Variants in GCH1 observed in about 807,000 individuals in gnomAD.
The protein encoded by GCH1 is GTP cyclohydrolase I.
A neutral mutation model predicts 25.9 loss-of-function variants in GCH1; 5 were observed. The ratio of observed to expected loss-of-function variants is 0.19; its 90% CI spans 0.10 to 0.41. The LOEUF is 0.41. Ranked by LOEUF, GCH1 falls within the 10% of genes least tolerant of loss-of-function variation. The pLI, the probability that GCH1 is intolerant of heterozygous loss-of-function variation, is 1.00. For missense variants in GCH1, 261 were observed against 336.5 expected (o/e 0.78, Z 1.75); for synonymous variants, 159 against 129.6 (o/e 1.23, Z -1.54).
At chr14:54,870,758 A>G in intron 1 of GCH1, among the ~76,000 whole-genome samples, 1 of 152,196 alleles carries the variant, frequency 6.6e-6, no homozygotes, top group Non-Finnish European at 1.5e-5. Flanking sequence ...TTGCTAGCAC[A>G]GCAGTCTGAG....
intron 2 of GCH1, among the ~76,000 whole-genome samples, chr14:54,861,721 C>CAA (rs67311353): frequency 4.5e-5 from 6 of 133,414 alleles, no homozygotes; most frequent in Non-Finnish European, 1.0e-4. Context: ...GAAACTGTCT[C>CAA]AAAAAAAAAA....
rs2040590088 is a variant in GCH1 at position 54,902,753 on chromosome 14, C to T, written c.-90G>A. On this transcript the variant is annotated 5_prime_UTR_variant, in exon 1 of 6. Transcript: ENST00000491895. Reference sequence around the variant, plus strand: ...TCCGCCGGTGGCCGCGGACAATGGGCTGTGGCCGGAGTCACCTGAGGAAGG... The same window carrying T: ...TCCGCCGGTGGCCGCGGACAATGGGTTGTGGCCGGAGTCACCTGAGGAAGG... The T allele has an allele frequency of 1.5e-6, 2 of 1,365,970 alleles. No homozygotes were observed. The highest frequency in any genetic ancestry group is 1.9e-6 in the Non-Finnish European group (2 of 1,064,000). 84.6% of individuals were successfully genotyped at this position (1,365,970 alleles called of 1,614,324 possible). A position where few individuals can be genotyped will look rare whatever the true frequency, so the allele number is the denominator to read the frequency against.
intron 1 of GCH1, among the ~76,000 whole-genome samples, chr14:54,873,966 A>T (rs1171066713): frequency 6.6e-6 from 1 of 152,206 alleles, no homozygotes; most frequent in Non-Finnish European, 1.5e-5. Context: ...TCAATAGAAA[A>T]AGAGGGAATC....
intron 1 of GCH1, among the ~76,000 whole-genome samples, chr14:54,868,822 G>A (rs955704042): frequency 1.3e-5 from 2 of 151,902 alleles, no homozygotes; most frequent in African/African-American, 2.4e-5. Flanking sequence ...GGATGGTCTC[G>A]ATCTCCTGAC....
chr14:54,872,411 C>T (rs1440045472), intron 1 of GCH1, among the ~76,000 whole-genome samples: 1 of 152,170 alleles, frequency 6.6e-6, no homozygotes, highest in Non-Finnish European at 1.5e-5. Context: ...TTGTAAAGAC[C>T]ATTGAGGCTA....
At chr14:54,856,309 C>T (rs1312634061) in intron 3 of GCH1, among the ~76,000 whole-genome samples, 2 of 152,222 alleles carry the variant, frequency 1.3e-5, no homozygotes, top group African/African-American at 2.4e-5. Flanking sequence ...TTGCCCTGTG[C>T]ACTCTCCTTG....
At chr14:54,858,622 A>C (rs749491157) in intron 3 of GCH1, among the ~76,000 whole-genome samples, 1 of 152,006 alleles carries the variant, frequency 6.6e-6, no homozygotes, top group Non-Finnish European at 1.5e-5. Context: ...TGGTCACTAT[A>C]ACCTCAAGTT....
intron 3 of GCH1, among the ~76,000 whole-genome samples, chr14:54,847,682 A>C (rs967237272): frequency 6.6e-6 from 1 of 151,762 alleles, no homozygotes; most frequent in Non-Finnish European, 1.5e-5. Flanking sequence ...ATATATATAT[A>C]TCTCCTATTA....
chr14:54,843,484 C>A lies in GCH1; in HGVS notation c.*533G>T, dbSNP rs560464776. 5.1e-5 allele frequency: 65 copies of A among 1,262,220 alleles called. No individual in the cohort carries two copies. In the African/African-American group the frequency reaches 9.3e-4, roughly 18 times the overall value. The allele number at this position is 1,262,220 out of a possible 1,614,324, so 78.2% of individuals were successfully genotyped here. A position where few individuals can be genotyped will look rare whatever the true frequency, so the allele number is the denominator to read the frequency against. ...CACCTTCCCTTGGTGACTAACATTA[C>A]GACTGCTAAAAATATATTTTTAAAT... On this transcript the variant is annotated 3_prime_UTR_variant, in exon 6 of 6. Transcript: ENST00000491895.
chr14:54,889,545 G>A (rs2040398076), intron 1 of GCH1, among the ~76,000 whole-genome samples: 1 of 152,064 alleles, frequency 6.6e-6, no homozygotes, highest in South Asian at 2.1e-4. Context: ...GGACCAACTG[G>A]ACCTCGAAAA....
chr14:54,844,119 A>C lies in GCH1; in HGVS notation c.651T>G (p.Gly217=), dbSNP rs1443039760. ...CAGTTTTGCTGTTCATTTTCTGTAC[A>C]CCTCGCATTACCATACACATGTGTC... The part of the protein sequence containing the change: ...EATHMCMVMR[G]VQKMNSKTVT... The change falls in exon 6 of 6, where the codon GGT becomes GGG. Residue 217 remains glycine (G), a synonymous_variant. Coordinates refer to ENST00000491895, the MANE Select transcript of GCH1 (RefSeq NM_000161.3). 1 of 1,612,796 alleles carries C rather than the reference A, an allele frequency of 6.2e-7. No individual in the cohort carries two copies. Among genetic ancestry groups the C allele is most frequent in the South Asian group, 1.1e-5 (1 of 91,048 alleles).
chr14:54,880,993 T>A (rs997347095), intron 1 of GCH1, among the ~76,000 whole-genome samples: 7 of 150,740 alleles, frequency 4.6e-5, no homozygotes, highest in Admixed American at 2.0e-4. Flanking sequence ...CCTGGCTAAT[T>A]TTTGTATTTT....
Position 54,856,333 on chromosome 14 carries a change from T to C in GCH1, c.509+3348A>G, listed in dbSNP as rs577982912. Among the ~76,000 whole-genome samples, 8 of 152,354 alleles carry C rather than the reference T, an allele frequency of 5.3e-5. No individual in the cohort carries two copies. In the East Asian group the frequency reaches 5.8e-4, roughly 11 times the overall value. ...GCACTCTCCTTGAGGGTGGCTGCCA[T>C]GTCCTGCTTCTTTAGCCTCCACAGT... On this transcript the variant is annotated intron_variant, in intron 3 of 5. Transcript: ENST00000491895.
rs1047572351 is a variant in GCH1 at position 54,890,439 on chromosome 14, G to A, written c.343+11882C>T. On this transcript the variant is annotated intron_variant, in intron 1 of 5. Transcript: ENST00000491895. ...CTTGAACCTGGGAGGTGGAGGTTGC[G>A]GTGAGACGAGATCGCGCCATTGCAC... is the stretch of plus-strand genomic sequence containing the variant. Among the ~76,000 whole-genome samples the A allele has an allele frequency of 6.8e-4, 104 of 152,216 alleles. 1 individual carries two copies. Among genetic ancestry groups the A allele is most frequent in the African/African-American group, 2.2e-3 (93 of 41,516 alleles).
Position 54,855,505 on chromosome 14 carries a change from C to CAAAAAAAAAAAAAA in GCH1, c.509+4162_509+4175dup, listed in dbSNP as rs764999718. 3.8e-3 allele frequency among the ~76,000 whole-genome samples: 139 copies of CAAAAAAAAAAAAAA among 36,412 alleles called. 11 individuals carry two copies. The highest frequency in any genetic ancestry group is 0.011 in the African/African-American group (64 of 5,646). The allele number at this position is 36,412 out of a possible 152,430, so 23.9% of individuals were successfully genotyped here. ...TGGGCGACAGAGAAAGACCCTGTCTCAAAAAAAAAAAAAAAAAAAAAAAAG... is the reference window on the plus strand; with the variant it reads ...TGGGCGACAGAGAAAGACCCTGTCTCAAAAAAAAAAAAAAAAAAAAAAAAAAAAAAAAAAAAAAG... On this transcript the variant is annotated intron_variant, in intron 3 of 5. Transcript: ENST00000491895.
chr14:54,850,326 C>T (rs1485914793), intron 3 of GCH1, among the ~76,000 whole-genome samples: 2 of 139,038 alleles, frequency 1.4e-5, no homozygotes, highest in African/African-American at 2.8e-5. Context: ...TTTTTTTTTC[C>T]CCCGAGACAG....
chr14:54,848,672 C>T (rs1205924695), intron 3 of GCH1, among the ~76,000 whole-genome samples: 1 of 152,144 alleles, frequency 6.6e-6, no homozygotes, highest in Non-Finnish European at 1.5e-5. Flanking sequence ...TTACAGCCAA[C>T]AAAGTCAGTA....
intron 3 of GCH1, chr14:54,859,368 G>A: frequency 5.4e-6 from 2 of 369,688 alleles, no homozygotes; most frequent in South Asian, 5.5e-5. Flanking sequence ...CCCCTTAAAG[G>A]ATGGGGCTGG....
intron 2 of GCH1, among the ~76,000 whole-genome samples, chr14:54,864,974 C>T (rs2039970080): frequency 6.6e-6 from 1 of 151,292 alleles, no homozygotes; most frequent in Admixed American, 6.6e-5. Context: ...AAATAAAGGG[C>T]ATCTCTAGAT....
Sources: allele counts gnomAD v4.1 joint callset (sites outside exome capture counted in the v4.1 genomes callset), GRCh38; gene constraint gnomAD v4.1.1; transcripts MANE v1.5; gene names NCBI Gene and HGNC (gene_info 2026-07-23, HGNC 2026-07-21).